The following NOVA1 variants were observed in gnomAD, a reference collection of about 807,000 sequenced individuals.
NOVA1 encodes the protein RNA-binding protein Nova-1.
In NOVA1, 7 loss-of-function variants were observed where a neutral mutation model predicts 38.0. That is an observed-to-expected ratio of 0.18 (90% CI 0.10 to 0.35). NOVA1 has a LOEUF of 0.35. NOVA1 is among the 10% of genes least tolerant of loss of function. The pLI is 1.00. For missense variants in NOVA1, 460 were observed against 616.0 expected (o/e 0.75, Z 2.68); for synonymous variants, 270 against 232.5 (o/e 1.16, Z -1.47).
At chr14:26,493,434 C>A (rs1032732177) in intron 2 of NOVA1, among the ~76,000 whole-genome samples, 1 of 152,178 alleles carries the variant, frequency 6.6e-6, no homozygotes, top group African/African-American at 2.4e-5. Context: ...CTATCCTTGT[C>A]TCTTTTATTC....
chr14:26,570,852 T>C (rs979658445), intron 2 of NOVA1, among the ~76,000 whole-genome samples: 3 of 152,176 alleles, frequency 2.0e-5, no homozygotes, highest in African/African-American at 7.2e-5. Flanking sequence ...CTTTACTCTA[T>C]TAAGTTTAAG....
intron 2 of NOVA1, among the ~76,000 whole-genome samples, chr14:26,595,032 C>G (rs574646820): frequency 5.3e-5 from 8 of 152,232 alleles, no homozygotes; most frequent in African/African-American, 1.7e-4. Flanking sequence ...CCCTACCCCC[C>G]TCTTCTGAAT....
chr14:26,475,907 AGCAAGTCT>A lies in NOVA1; in HGVS notation c.448-3524_448-3517del, dbSNP rs1884948265. On this transcript the variant is annotated intron_variant, in intron 3 of 4. Transcript: ENST00000539517. Reference sequence around the variant, plus strand: ...CTGTAATAAACAGAGCTTGCTTTCAAGCAAGTCTGCAGTAATAGACTGTCAAGAACCTC... The same window carrying A: ...CTGTAATAAACAGAGCTTGCTTTCAAGCAGTAATAGACTGTCAAGAACCTC... Among the ~76,000 whole-genome samples the A allele has an allele frequency of 2.0e-5, 3 of 152,280 alleles. No individual in the cohort carries two copies. The South Asian group carries it at 6.2e-4, about 32-fold the overall frequency.
chr14:26,523,805 C>T (rs1461487932), intron 2 of NOVA1, among the ~76,000 whole-genome samples: 1 of 134,548 alleles, frequency 7.4e-6, no homozygotes, highest in African/African-American at 2.9e-5. Context: ...GGCTGGTGTG[C>T]AGTGGCACAA....
chr14:26,494,638 G>A (rs1338690045), intron 2 of NOVA1, among the ~76,000 whole-genome samples: 1 of 151,964 alleles, frequency 6.6e-6, no homozygotes, highest in Non-Finnish European at 1.5e-5. Context: ...TCCTCTTCTG[G>A]CTTCTGTGTT....
At chr14:26,487,465 AATTG>A (rs1218840023) in intron 2 of NOVA1, among the ~76,000 whole-genome samples, 1 of 152,068 alleles carries the variant, frequency 6.6e-6, no homozygotes, top group East Asian at 1.9e-4. Context: ...TTGTTAGTAT[AATTG>A]ATTGACACAC....
At chr14:26,555,869 T>C (rs1891448151) in intron 2 of NOVA1, among the ~76,000 whole-genome samples, 2 of 152,164 alleles carry the variant, frequency 1.3e-5, no homozygotes, top group Admixed American at 6.5e-5. Context: ...CTAAGACTTA[T>C]GTTAACGTTT....
At position 26,445,149 on chromosome 14, in the gene NOVA1, A is replaced by G. The variant is rs1881975206; in HGVS notation, c.*2810T>C. On this transcript the variant is annotated 3_prime_UTR_variant, in exon 5 of 5. Transcript: ENST00000539517. Reference sequence around the variant, plus strand: ...AGCCTCCCTATAGCAAAACAAGTCTATAAATAGTTGCATTTCATAAGATGT... The same window carrying G: ...AGCCTCCCTATAGCAAAACAAGTCTGTAAATAGTTGCATTTCATAAGATGT... The G allele has an allele frequency of 6.6e-6, 1 of 152,250 alleles. No homozygotes were observed. Among genetic ancestry groups the G allele is most frequent in the Non-Finnish European group, 1.5e-5 (1 of 68,046 alleles). 9.4% of individuals were successfully genotyped at this position (152,250 alleles called of 1,614,324 possible). A position where few individuals can be genotyped will look rare whatever the true frequency, so the allele number is the denominator to read the frequency against.
chr14:26,487,865 G>A (rs1886038895), intron 2 of NOVA1, among the ~76,000 whole-genome samples: 1 of 151,994 alleles, frequency 6.6e-6, no homozygotes, highest in Non-Finnish European at 1.5e-5. Flanking sequence ...ATAACTATGT[G>A]GGCTATTAGT....
At chr14:26,460,302 T>C (rs1883543662) in intron 4 of NOVA1, among the ~76,000 whole-genome samples, 1 of 144,084 alleles carries the variant, frequency 6.9e-6, no homozygotes, top group African/African-American at 2.6e-5. Flanking sequence ...TAAATAACCA[T>C]ATAAACATTA....
intron 2 of NOVA1, among the ~76,000 whole-genome samples, chr14:26,556,517 C>A (rs1363365770): frequency 6.6e-6 from 1 of 152,082 alleles, no homozygotes; most frequent in Non-Finnish European, 1.5e-5. Context: ...CAAAAATTAA[C>A]TCAAAATACA....
At chr14:26,534,811 A>G (rs1459448703) in intron 2 of NOVA1, among the ~76,000 whole-genome samples, 1 of 152,110 alleles carries the variant, frequency 6.6e-6, no homozygotes, top group Admixed American at 6.5e-5. Flanking sequence ...GGGAGACAAG[A>G]AGGTTAAAAA....
chr14:26,543,067 A>G (rs1011075807), intron 2 of NOVA1, among the ~76,000 whole-genome samples: 4 of 152,026 alleles, frequency 2.6e-5, no homozygotes, highest in Non-Finnish European at 5.9e-5. Context: ...CAAAGAAACG[A>G]TAAGTGCTTG....
intron 2 of NOVA1, among the ~76,000 whole-genome samples, chr14:26,515,522 C>T (rs1888399710): frequency 6.6e-6 from 1 of 151,930 alleles, no homozygotes; most frequent in Non-Finnish European, 1.5e-5. Flanking sequence ...ACTCCAAATA[C>T]TTTGTTTAAT....
rs193279410 is a variant in NOVA1 at position 26,536,791 on chromosome 14, C to G, written c.281-56648G>C. Reference sequence around the variant, plus strand: ...ATTTTTTAATTTTGTATGTGACAAACATTCTAATAGTTTTTCGAGAAAGTT... The same window carrying G: ...ATTTTTTAATTTTGTATGTGACAAAGATTCTAATAGTTTTTCGAGAAAGTT... On this transcript the variant is annotated intron_variant, in intron 2 of 4. Coordinates refer to ENST00000539517, the MANE Select transcript of NOVA1 (RefSeq NM_002515.3). Among the ~76,000 whole-genome samples, 3 of 152,176 alleles carry G rather than the reference C, an allele frequency of 2.0e-5. No homozygotes were observed. The East Asian group carries it at 5.8e-4, about 29-fold the overall frequency.
intron 2 of NOVA1, among the ~76,000 whole-genome samples, chr14:26,539,300 T>G (rs2138588779): frequency 6.6e-6 from 1 of 152,278 alleles, no homozygotes; most frequent in Middle Eastern, 3.4e-3. Context: ...GAATGTAAAT[T>G]ACATTAGGTT....
rs200955976 is a variant in NOVA1, at chr14:26,505,252, C to T, written c.281-25109G>A. The stretch of plus-strand genomic sequence containing the variant: ...GCTGATATGGTTTGGTACTGTGGCC[C>T]GACCCAAATCTCACCTCGAATTATA... On this transcript the variant is annotated intron_variant, in intron 2 of 4. Coordinates refer to ENST00000539517, the MANE Select transcript of NOVA1 (RefSeq NM_002515.3). 7.9e-5 allele frequency among the ~76,000 whole-genome samples: 12 copies of T among 152,172 alleles called. No individual in the cohort carries two copies. In the East Asian group the frequency reaches 1.7e-3, roughly 22 times the overall value.
At chr14:26,497,552 T>C (rs1253954037) in intron 2 of NOVA1, among the ~76,000 whole-genome samples, 1 of 152,172 alleles carries the variant, frequency 6.6e-6, no homozygotes, top group Non-Finnish European at 1.5e-5. Flanking sequence ...TGAAATGTAT[T>C]AATGAATATA....
chr14:26,523,879 T>G (rs907277560), intron 2 of NOVA1, among the ~76,000 whole-genome samples: 2 of 151,566 alleles, frequency 1.3e-5, no homozygotes, highest in African/African-American at 2.4e-5. Context: ...GCCTCCTGAG[T>G]AGCTGGGACT....
Sources: gnomAD v4.1 joint callset for allele counts (sites outside exome capture counted in the v4.1 genomes callset) on GRCh38, gnomAD v4.1.1 for gene constraint, MANE v1.5 for transcripts, NCBI Gene and HGNC (gene_info 2026-07-23, HGNC 2026-07-21) for gene names.